Variants in PCDHA1 observed in about 807,000 individuals in gnomAD.
PCDHA1 encodes protocadherin alpha-1.
Under a neutral mutation model 61.3 loss-of-function variants are expected in PCDHA1, and 42 were observed. The ratio of observed to expected loss-of-function variants is 0.69; its 90% confidence interval spans 0.54 to 0.89. The LOEUF is 0.89. Ranked by LOEUF, PCDHA1 falls within the 40% of genes least tolerant of loss-of-function variation. The pLI, the probability that PCDHA1 is intolerant of heterozygous loss-of-function variation, is 0.00. For synonymous variants in PCDHA1, 610 were observed against 553.8 expected (o/e 1.10, Z -1.43); for missense variants, 1,256 against 1,235.3 (o/e 1.02, Z -0.25).
At chr5:140,999,494 C>G (rs2097859711) in intron 3 of PCDHA1, among the ~76,000 whole-genome samples, 1 of 152,064 alleles carries the variant, frequency 6.6e-6, no homozygotes, top group Non-Finnish European at 1.5e-5. Context: ...CTATGTTACC[C>G]AAGAACCTAC....
At chr5:140,821,996 T>G (rs2150112838) in intron 1 of PCDHA1, 3 of 1,614,014 alleles carry the variant, frequency 1.9e-6, no homozygotes, top group East Asian at 4.5e-5. Context: ...GGGGACCTTC[T>G]GGAGGTAAAT....
rs1431555287 is a variant in PCDHA1 at position 140,788,490 on chromosome 5, C to A, written c.2200C>A (p.Pro734Thr). ...GCCGCCCACTGAGGGTGCGTATGTGCCGGGCAAGCCCACTCTGGTGTGCTC... is the reference window on the plus strand; with the variant it reads ...GCCGCCCACTGAGGGTGCGTATGTGACGGGCAAGCCCACTCTGGTGTGCTC... ...SVPPTEGAYV[P>T]GKPTLVCSSA... Residue 734 changes from proline to threonine, a missense_variant, in exon 1 of 4, where the codon CCG becomes ACG. Physicochemically the swap from Pro to Thr is conservative, Grantham distance 38. Coordinates refer to ENST00000504120, the MANE Select transcript of PCDHA1 (RefSeq NM_018900.4). 6.2e-7 allele frequency: 1 copy of A among 1,613,982 alleles called. No homozygotes were observed. The highest frequency in any genetic ancestry group is 8.5e-7 in the Non-Finnish European group (1 of 1,179,996).
At chr5:140,912,178 G>A (rs2153520957) in intron 1 of PCDHA1, among the ~76,000 whole-genome samples, 1 of 152,266 alleles carries the variant, frequency 6.6e-6, no homozygotes, top group South Asian at 2.1e-4. Flanking sequence ...GCTGGCAGCT[G>A]ATTAGATTGT....
intron 3 of PCDHA1, among the ~76,000 whole-genome samples, chr5:141,007,858 G>A (rs376865557): frequency 6.6e-6 from 1 of 152,116 alleles, no homozygotes; most frequent in African/African-American, 2.4e-5. Context: ...GTCCTTAAAG[G>A]TCTTTTCCTT....
At position 140,929,224 on chromosome 5, in the gene PCDHA1, G is replaced by A. The variant is rs138816649; in HGVS notation, c.2395-49725G>A. 8.1e-6 allele frequency: 13 copies of A among 1,613,792 alleles called. No individual in the cohort carries two copies. In the African/African-American group the frequency reaches 1.5e-4, roughly 18 times the overall value. ...GCTGTTGCGTGGGGAGTACAATGCT[G>A]CCGACCTGCGAAATCTTGCCACTGG... On this transcript the variant is annotated intron_variant, in intron 1 of 3. Transcript: ENST00000504120.
intron 1 of PCDHA1, chr5:140,877,128 G>C (rs782052511): frequency 3.1e-6 from 5 of 1,613,762 alleles, no homozygotes; most frequent in Non-Finnish European, 4.2e-6. Flanking sequence ...TGACGCTGCA[G>C]GTGTTCGTGC....
Position 140,967,255 on chromosome 5 carries a change from T to C in PCDHA1, c.2395-11694T>C, listed in dbSNP as rs202164321. ...TTCAGGTAAGCGAATCGGTGGCGCC[T>C]GGAGCGCGCTTTCACATAGAGAGTG... On this transcript the variant is annotated intron_variant, in intron 1 of 3. Coordinates refer to ENST00000504120, the MANE Select transcript of PCDHA1 (RefSeq NM_018900.4). The C allele has an allele frequency of 1.8e-4, 297 of 1,613,460 alleles. 1 individual carries two copies. The East Asian group carries it at 6.5e-3, about 35-fold the overall frequency.
chr5:140,933,653 GTCTC>G (rs1245688430), intron 1 of PCDHA1, among the ~76,000 whole-genome samples: 3 of 151,982 alleles, frequency 2.0e-5, no homozygotes, highest in East Asian at 1.9e-4. Context: ...TGGAAATCCT[GTCTC>G]TCTCTCTGTC....
rs2150255716 is a variant in PCDHA1 at position 140,836,221 on chromosome 5, C to T, written c.2394+47537C>T. ...GCGTGGCTTTCGTATGAGTTGCAAC[C>T]GGTGGCGGCCGGTGCGAGCATCCCG... On this transcript the variant is annotated intron_variant, in intron 1 of 3. Transcript: ENST00000504120. 9.9e-6 allele frequency: 16 copies of T among 1,613,802 alleles called. No homozygotes were observed. In the Admixed American group the frequency reaches 2.0e-4, roughly 20 times the overall value.
At chr5:140,832,649 A>C (rs2150203199) in intron 1 of PCDHA1, among the ~76,000 whole-genome samples, 147 of 152,206 alleles carry the variant, frequency 9.7e-4, no homozygotes, top group Non-Finnish European at 2.0e-3. Flanking sequence ...GGTCTTTAAG[A>C]GTATCACACT....
intron 3 of PCDHA1, chr5:140,988,770 G>A (rs1388594585): frequency 6.6e-6 from 1 of 152,168 alleles, no homozygotes; most frequent in African/African-American, 2.4e-5. Flanking sequence ...TACAGTCATG[G>A]TTAAGACCAT....
chr5:140,878,556 A>C (rs959852623), intron 1 of PCDHA1, among the ~76,000 whole-genome samples: 1 of 152,156 alleles, frequency 6.6e-6, no homozygotes. Context: ...GATGATCCCA[A>C]ACTTATCATA....
chr5:140,808,317 A>G, intron 1 of PCDHA1: 1 of 1,614,260 alleles, frequency 6.2e-7, no homozygotes, highest in Non-Finnish European at 8.5e-7. Flanking sequence ...GTGTCCGACA[A>G]AGACATGGGT....
intron 1 of PCDHA1, chr5:140,930,355 C>G (rs1044171600): frequency 6.6e-6 from 1 of 151,448 alleles, no homozygotes; most frequent in Non-Finnish European, 1.5e-5. Context: ...TCAAATATTT[C>G]AATTTATCTG....
At chr5:140,835,547 C>G (rs2150237870) in intron 1 of PCDHA1, 13 of 1,613,960 alleles carry the variant, frequency 8.1e-6, no homozygotes, top group South Asian at 2.2e-5. Context: ...TTACCTGCTC[C>G]CTGACGCCCC....
chr5:140,939,634 G>T (rs1032922800), intron 1 of PCDHA1, among the ~76,000 whole-genome samples: 12 of 152,184 alleles, frequency 7.9e-5, no homozygotes, highest in South Asian at 4.1e-4. Flanking sequence ...AATCAATAAG[G>T]GTACTGAAAA....
chr5:140,850,665 T>TCGGCGATGCC, intron 1 of PCDHA1: 1 of 1,598,290 alleles, frequency 6.3e-7, no homozygotes, highest in African/African-American at 1.3e-5. Context: ...GCTGCGGTGC[T>TCGGCGATGCC]CGGCGATGCC....
chr5:140,963,307 C>G (rs2095756240), intron 1 of PCDHA1, among the ~76,000 whole-genome samples: 1 of 152,062 alleles, frequency 6.6e-6, no homozygotes, highest in African/African-American at 2.4e-5. Context: ...AAATAAGAAG[C>G]TGTTTGTATT....
At chr5:140,865,590 T>G (rs1353926761) in intron 1 of PCDHA1, 3 of 152,234 alleles carry the variant, frequency 2.0e-5, no homozygotes, top group Non-Finnish European at 4.4e-5. Flanking sequence ...AAATCACCAT[T>G]GTTTGAGCAG....
Sources: gnomAD v4.1 joint callset for allele counts (sites outside exome capture counted in the v4.1 genomes callset) on GRCh38, gnomAD v4.1.1 for gene constraint, MANE v1.5 for transcripts, NCBI Gene and HGNC (gene_info 2026-07-23, HGNC 2026-07-21) for gene names.